The following PDGFB variants were observed in gnomAD, a reference collection of about 807,000 sequenced individuals.
PDGFB encodes the protein platelet derived growth factor subunit B, also known as platelet-derived growth factor subunit B.
In PDGFB, 6 loss-of-function variants were observed where a neutral mutation model predicts 29.0. The ratio of observed to expected loss-of-function variants is 0.21; its 90% CI spans 0.11 to 0.41. The LOEUF is 0.41. Ranked by LOEUF, PDGFB falls within the 10% of genes least tolerant of loss-of-function variation. The pLI, the probability that PDGFB is intolerant of heterozygous loss-of-function variation, is 1.00. For missense variants in PDGFB, 299 were observed against 341.8 expected (o/e 0.87, Z 0.99); for synonymous variants, 144 against 140.8 (o/e 1.02, Z -0.16).
rs750507145 is a variant in PDGFB at position 39,225,893 on chromosome 22, G to T, written c.602-46C>A. On this transcript the variant is annotated intron_variant, in intron 5 of 6. Transcript: ENST00000331163. The stretch of plus-strand genomic sequence containing the variant: ...CCTCGTCAGCATGTGGACCATTGGG[G>T]AGGTCTCTCCCCACTGACCAAGGCC... 4.2e-5 allele frequency: 66 copies of T among 1,583,056 alleles called. 2 individuals carry two copies. The South Asian group carries it at 7.3e-4, about 18-fold the overall frequency.
At chr22:39,236,924 G>A (rs947633057) in intron 1 of PDGFB, among the ~76,000 whole-genome samples, 1 of 152,150 alleles carries the variant, frequency 6.6e-6, no homozygotes, top group Non-Finnish European at 1.5e-5. Flanking sequence ...CCTGGAGAGG[G>A]CATCAATAGG....
chr22:39,235,785 G>T lies in PDGFB; in HGVS notation c.153C>A (p.Asp51Glu). The T allele has an allele frequency of 6.2e-7, 1 of 1,611,368 alleles. No individual in the cohort carries two copies. The highest frequency in any genetic ancestry group is 8.5e-7 in the Non-Finnish European group (1 of 1,177,550). ...GGCGAGGATTCCATTTACCTCCGGGGTCTCCGTGCAGCAGGCGTTGGAGAT... is the reference window on the plus strand; with the variant it reads ...GGCGAGGATTCCATTTACCTCCGGGTTCTCCGTGCAGCAGGCGTTGGAGAT... The part of the protein sequence containing the change: ...FDDLQRLLHG[D>E]PGEEDGAELD... Residue 51 changes from aspartate to glutamate, a missense_variant, in exon 2 of 7, where the codon GAC becomes GAA. Coordinates refer to ENST00000331163, the MANE Select transcript of PDGFB (RefSeq NM_002608.4).
At position 39,244,940 on chromosome 22, in the gene PDGFB, G is replaced by C. The variant is rs1430576103; in HGVS notation, c.-977C>G. ...AGCGGGGGAGGCTGCGGGTGCGCAG[G>C]GAGGCAGGCAGGCCGCTCCCGGCTG... is the stretch of plus-strand genomic sequence containing the variant. On this transcript the variant is annotated 5_prime_UTR_variant, in exon 1 of 7. Transcript: ENST00000331163. This position sits in a 1 kb window ranked among gnomAD's most constrained non-coding sequence, Gnocchi z 4.5. Among the ~76,000 whole-genome samples, 1 of 152,046 alleles carries C rather than the reference G, an allele frequency of 6.6e-6. No individual in the cohort carries two copies. The highest frequency in any genetic ancestry group is 6.5e-5 in the Admixed American group (1 of 15,278).
Position 39,231,067 on chromosome 22 carries a change from G to A in PDGFB, c.456+555C>T, listed in dbSNP as rs1932291061. On this transcript the variant is annotated intron_variant, in intron 4 of 6. Transcript: ENST00000331163. This position sits in a 1 kb window ranked among gnomAD's most constrained non-coding sequence, Gnocchi z 4.3. ...GGATCAGCATTCCACTGTTGTCAGG[G>A]GACCTGCCCCAGCTCCGCAGTGTCT... 6.6e-6 allele frequency among the ~76,000 whole-genome samples: 1 copy of A among 152,200 alleles called. No homozygotes were observed. Among genetic ancestry groups the A allele is most frequent in the South Asian group, 2.1e-4 (1 of 4,832 alleles).
In PDGFB at chr22:39,242,890, A is replaced by T. The variant is rs1295976122; in HGVS notation, c.63+1011T>A. 6.5e-5 allele frequency: 15 copies of T among 232,010 alleles called. No individual in the cohort carries two copies. In the East Asian group the frequency reaches 9.1e-4, roughly 14 times the overall value. The allele number at this position is 232,010 out of a possible 1,614,324, so 14.4% of individuals were successfully genotyped here. On this transcript the variant is annotated intron_variant, in intron 1 of 6. Coordinates refer to ENST00000331163, the MANE Select transcript of PDGFB (RefSeq NM_002608.4). The surrounding 1 kb of genome is among the most constrained non-coding windows in gnomAD (Gnocchi z 5.7). ...TCCCGGCTGCCCTCTCCTCCCCTCC[A>T]CCGCGCGCGTCGTCCTGCCCCGCCC...
intron 1 of PDGFB, among the ~76,000 whole-genome samples, chr22:39,240,503 G>C (rs1475162556): frequency 9.6e-6 from 1 of 104,266 alleles, no homozygotes; most frequent in African/African-American, 2.8e-5. Flanking sequence ...TCTCTCTCAA[G>C]ATGGGGGGCT....
chr22:39,233,071 G>A (rs1002231725), intron 3 of PDGFB, among the ~76,000 whole-genome samples: 1 of 152,184 alleles, frequency 6.6e-6, no homozygotes, highest in Non-Finnish European at 1.5e-5. Flanking sequence ...GGAGCAGGTT[G>A]GGATCTCAGC....
chr22:39,226,738 C>A (rs1318855787), intron 5 of PDGFB, among the ~76,000 whole-genome samples: 1 of 152,234 alleles, frequency 6.6e-6, no homozygotes, highest in African/African-American at 2.4e-5. Flanking sequence ...GTGGAGGCCA[C>A]TGGGCTCTGG....
rs1291007745 is a variant in PDGFB at position 39,243,957 on chromosome 22, G to C, written c.7C>G (p.Arg3Gly). The C allele has an allele frequency of 1.3e-6, 2 of 1,547,372 alleles. No individual in the cohort carries two copies. The highest frequency in any genetic ancestry group is 1.8e-6 in the Non-Finnish European group (2 of 1,139,866). Reference protein sequence around the residue: MNRCWALFLSLCC... With the variant: MNGCWALFLSLCC... ...AGAGACAGGAAGAGCGCCCAGCAGC[G>C]ATTCATGCCGACTCCGGGCCCGGCC... Residue 3 changes from arginine to glycine, a missense_variant, in exon 1 of 7, where the codon CGC becomes GGC. Coordinates refer to ENST00000331163, the MANE Select transcript of PDGFB (RefSeq NM_002608.4). The surrounding 1 kb of genome is among the most constrained non-coding windows in gnomAD (Gnocchi z 6.4).
rs1167138333 is a variant in PDGFB, at chr22:39,243,331, C to T, written c.63+570G>A. ...CCCACCCCAAACCCCGCGCCCGAGACACAAGCTGCTTCCAGACCGTGCTCT... is the reference window on the plus strand; with the variant it reads ...CCCACCCCAAACCCCGCGCCCGAGATACAAGCTGCTTCCAGACCGTGCTCT... On this transcript the variant is annotated intron_variant, in intron 1 of 6. Coordinates refer to ENST00000331163, the MANE Select transcript of PDGFB (RefSeq NM_002608.4). This position sits in a 1 kb window ranked among gnomAD's most constrained non-coding sequence, Gnocchi z 6.4. Among the ~76,000 whole-genome samples, 2 of 151,994 alleles carry T rather than the reference C, an allele frequency of 1.3e-5. No individual in the cohort carries two copies. The highest frequency in any genetic ancestry group is 4.8e-5 in the African/African-American group (2 of 41,394).
intron 6 of PDGFB, 78 bp downstream of exon 6, chr22:39,225,617 T>C: frequency 7.3e-7 from 1 of 1,362,070 alleles, no homozygotes; most frequent in Non-Finnish European, 9.9e-7. Flanking sequence ...GGAAAAATCC[T>C]TTCCCCTGAC....
chr22:39,238,350 C>G (rs1383387328), intron 1 of PDGFB, among the ~76,000 whole-genome samples: 1 of 152,090 alleles, frequency 6.6e-6, no homozygotes, highest in Non-Finnish European at 1.5e-5. Flanking sequence ...AAATGAGCAA[C>G]TAGAGTCCCT....
Position 39,231,816 on chromosome 22 carries a change from T to C in PDGFB, c.262A>G (p.Ile88Val), listed in dbSNP as rs17565. 3.8e-4 allele frequency: 619 copies of C among 1,613,118 alleles called. 2 individuals are homozygous for C. In the African/African-American group the frequency reaches 7.5e-3, roughly 19 times the overall value. ...TCGGCGATCATGGCCGGCTCAGCAA[T>C]GGTCAGGGAACCTGGGAGGAGACGA... ...RGRRSLGSLT[I>V]AEPAMIAECK... is the part of the protein sequence containing the mutation. The change falls in exon 4 of 7, where the codon ATT becomes GTT. Residue 88 changes from isoleucine (I) to valine (V), a missense_variant. Transcript: ENST00000331163. This position sits in a 1 kb window ranked among gnomAD's most constrained non-coding sequence, Gnocchi z 4.3.
intron 1 of PDGFB, chr22:39,240,836 G>C: frequency 7.4e-6 from 12 of 1,613,578 alleles, no homozygotes; most frequent in Non-Finnish European, 9.3e-6. Context: ...GGGAAGACAA[G>C]ACGTGGAGAG....
intron 5 of PDGFB, among the ~76,000 whole-genome samples, chr22:39,227,774 A>G (rs9611115): frequency 0.37 from 56,553 of 151,982 alleles, 11,063 homozygotes; most frequent in Middle Eastern, 0.49. Flanking sequence ...AAGGCCAGCC[A>G]TTTCCTGGGA....
In PDGFB at chr22:39,225,827, C is replaced by A. The variant is rs1370793206; in HGVS notation, c.622G>T (p.Val208Leu). The A allele has an allele frequency of 6.2e-7, 1 of 1,612,988 alleles. No homozygotes were observed. The highest frequency in any genetic ancestry group is 1.7e-4 in the Middle Eastern group (1 of 6,050). The change falls in exon 6 of 7, where the codon GTG (valine) becomes TTG (leucine). Residue 208 changes from valine to leucine, a missense_variant. By Grantham distance (32) the Val-to-Leu change is conservative. Transcript: ENST00000331163. ...EQRAKTPQTR[V>L]TIRTVRVRRP... Reference sequence around the variant, plus strand: ...CGGACTCGCACCGTCCGAATGGTCACCCGAGTTTGGGGCGTTTTGGCTGCA... The same window carrying A: ...CGGACTCGCACCGTCCGAATGGTCAACCGAGTTTGGGGCGTTTTGGCTGCA...
chr22:39,228,989 C>T (rs1412983575), intron 5 of PDGFB, among the ~76,000 whole-genome samples: 2 of 151,668 alleles, frequency 1.3e-5, no homozygotes, highest in East Asian at 3.9e-4. Context: ...TTGAAGCTGT[C>T]ATATGATCAG....
At chr22:39,230,264 C>T in intron 4 of PDGFB, 36 bp from the exon 5 acceptor site, 2 of 1,610,158 alleles carry the variant, frequency 1.2e-6, no homozygotes, top group Non-Finnish European at 1.7e-6. Flanking sequence ...TCTGTAGAGA[C>T]CACACAGCCA....
intron 1 of PDGFB, chr22:39,240,767 A>C (rs1932547627): frequency 5.4e-6 from 8 of 1,471,956 alleles, no homozygotes; most frequent in Middle Eastern, 1.7e-4. Flanking sequence ...GTAATAAACA[A>C]TGAAATAAAC....
Sources: gnomAD v4.1 joint callset for allele counts (sites outside exome capture counted in the v4.1 genomes callset) on GRCh38, gnomAD v4.1.1 for gene constraint, Gnocchi (gnomAD v3.1) non-coding constraint, MANE v1.5 for transcripts, NCBI Gene and HGNC (gene_info 2026-07-23, HGNC 2026-07-21) for gene names.